The following ZNF714 variants were observed in gnomAD, a reference collection of about 807,000 sequenced individuals.
ZNF714 encodes the protein zinc finger protein 714.
Under a neutral mutation model 46.2 loss-of-function variants are expected in ZNF714, and 32 were observed. That is an observed-to-expected ratio of 0.69 (90% CI 0.52 to 0.93). The LOEUF (loss-of-function observed/expected upper bound fraction) is 0.93, where lower values mean the gene tolerates loss of function less well. ZNF714 is among the 40% of genes least tolerant of loss of function. The pLI is 0.00. For synonymous variants in ZNF714, 199 were observed against 213.1 expected, an observed-to-expected ratio of 0.93 and a Z score of 0.58; for missense variants, 635 against 646.3, an observed-to-expected ratio of 0.98 and a Z score of 0.19.
intron 2 of ZNF714, among the ~76,000 whole-genome samples, chr19:21,088,187 C>T (rs1599527932): frequency 6.6e-6 from 1 of 152,118 alleles, no homozygotes; most frequent in Admixed American, 6.6e-5. Flanking sequence ...AATTGTACAA[C>T]ATTTCTTGCA....
In ZNF714 at chr19:21,122,162, G is replaced by A. The variant is rs888209239; in HGVS notation, c.*3830G>A. On this transcript the variant is annotated 3_prime_UTR_variant, in exon 5 of 5. Transcript: ENST00000456283. ...GGGGGGCTTCATAAGTCATGAGGAT[G>A]TTTTTATATATAAATGTAGCAAACA... The A allele has an allele frequency of 2.0e-5, 3 of 152,116 alleles. No individual in the cohort carries two copies. In the East Asian group the frequency reaches 5.8e-4, roughly 29 times the overall value. 9.4% of individuals were successfully genotyped at this position (152,116 alleles called of 1,614,324 possible).
chr19:21,117,608 G>A lies in ZNF714; in HGVS notation c.944G>A (p.Cys315Tyr), dbSNP rs1969629758. The change falls in exon 5 of 5, where the codon TGT becomes TAT. Residue 315 changes from cysteine (C) to tyrosine (Y), a missense_variant. Coordinates refer to ENST00000456283, the MANE Select transcript of ZNF714 (RefSeq NM_182515.4). ...IIHSGEKSYKCEQCGKGFNWS... is the reference protein window; with the variant it reads ...IIHSGEKSYKYEQCGKGFNWS... ...CATTCTGGAGAGAAATCTTACAAAT[G>A]TGAACAATGTGGCAAAGGCTTTAAC... 3 of 1,611,138 alleles carry A rather than the reference G, an allele frequency of 1.9e-6. No homozygotes were observed. The highest frequency in any genetic ancestry group is 1.7e-5 in the Admixed American group (1 of 59,432).
At chr19:21,089,216 G>A (rs542559505) in intron 2 of ZNF714, among the ~76,000 whole-genome samples, 1 of 152,290 alleles carries the variant, frequency 6.6e-6, no homozygotes, top group African/African-American at 2.4e-5. Flanking sequence ...TAAGGAAAAA[G>A]AGGTGTTTCC....
At chr19:21,102,410 C>T (rs911253387) in intron 4 of ZNF714, among the ~76,000 whole-genome samples, 13 of 152,150 alleles carry the variant, frequency 8.5e-5, no homozygotes, top group Non-Finnish European at 1.8e-4. Context: ...CTTTCTTCAG[C>T]ATATATCTAA....
At position 21,116,992 on chromosome 19, in the gene ZNF714, A is replaced by G. The variant is rs775563680; in HGVS notation, c.328A>G (p.Thr110Ala). 6.2e-7 allele frequency: 1 copy of G among 1,613,892 alleles called. No homozygotes were observed. The highest frequency in any genetic ancestry group is 1.1e-5 in the South Asian group (1 of 91,054). Reference sequence around the variant, plus strand: ...TTATAATGAACTAAACCAGTGTTTGACAACTACCCAGAGCAAAATATTTCC... The same window carrying G: ...TTATAATGAACTAAACCAGTGTTTGGCAACTACCCAGAGCAAAATATTTCC... Reference protein sequence around the residue: ...KGYNELNQCLTTTQSKIFPCD... With the variant: ...KGYNELNQCLATTQSKIFPCD... The change falls in exon 5 of 5, where the codon ACA becomes GCA. Residue 110 changes from threonine to alanine, a missense_variant. Thr to Ala is a moderately conservative substitution (Grantham distance 58). Transcript: ENST00000456283.
Position 21,118,282 on chromosome 19 carries a change from T to C in ZNF714, c.1618T>C (p.Ser540Pro). The change falls in exon 5 of 5, where the codon TCT becomes CCT. Residue 540 changes from serine to proline, a missense_variant. Physicochemically the swap from Ser to Pro is moderately conservative, Grantham distance 74 (BLOSUM62 -1). Transcript: ENST00000456283. ...GCCTGGCCAACATGGTAAAACCCCA[T>C]CTCTACTAAAAATACAAAAATTTGC... is the stretch of plus-strand genomic sequence containing the variant. ...DQPGQHGKTP[S>P]LLKIQKFAGC... The C allele has an allele frequency of 7.7e-7, 1 of 1,293,322 alleles. No homozygotes were observed. The highest frequency in any genetic ancestry group is 1.1e-6 in the Non-Finnish European group (1 of 934,832). The allele number at this position is 1,293,322 out of a possible 1,614,324, so 80.1% of individuals were successfully genotyped here. A position where few individuals can be genotyped will look rare whatever the true frequency, so the allele number is the denominator to read the frequency against.
In ZNF714 at chr19:21,083,994, G is replaced by T; in HGVS notation, c.-160G>T. 7.7e-7 allele frequency: 1 copy of T among 1,290,346 alleles called. No homozygotes were observed. 79.9% of individuals were successfully genotyped at this position (1,290,346 alleles called of 1,614,324 possible). A position where few individuals can be genotyped will look rare whatever the true frequency, so the allele number is the denominator to read the frequency against. On this transcript the variant is annotated 5_prime_UTR_variant, in exon 2 of 5. Coordinates refer to ENST00000456283, the MANE Select transcript of ZNF714 (RefSeq NM_182515.4). ...CTTCCATAGGGCGACCTGAGGTCTGGAGTGTATCCTCTCAAGGGAGCAAGT... is the reference window on the plus strand; with the variant it reads ...CTTCCATAGGGCGACCTGAGGTCTGTAGTGTATCCTCTCAAGGGAGCAAGT...
chr19:21,122,010 CT>C lies in ZNF714; in HGVS notation c.*3679del, dbSNP rs1268023121. 1 of 152,120 alleles carries C rather than the reference CT, an allele frequency of 6.6e-6. No individual in the cohort carries two copies. The highest frequency in any genetic ancestry group is 1.5e-5 in the Non-Finnish European group (1 of 68,026). The allele number at this position is 152,120 out of a possible 1,614,324, so 9.4% of individuals were successfully genotyped here. A position where few individuals can be genotyped will look rare whatever the true frequency, so the allele number is the denominator to read the frequency against. ...AGTTACATTTTATTTAGTGAGAGCACTCCATTTTGTTCTTTTAAGGGGAGAA... is the reference window on the plus strand; with the variant it reads ...AGTTACATTTTATTTAGTGAGAGCACCCATTTTGTTCTTTTAAGGGGAGAA... On this transcript the variant is annotated 3_prime_UTR_variant, in exon 5 of 5. Transcript: ENST00000456283.
At position 21,119,515 on chromosome 19, in the gene ZNF714, C is replaced by T. The variant is rs1368121587; in HGVS notation, c.*1183C>T. 1 of 152,594 alleles carries T rather than the reference C, an allele frequency of 6.6e-6. No individual in the cohort carries two copies. Among genetic ancestry groups the T allele is most frequent in the African/African-American group, 2.4e-5 (1 of 41,422 alleles). The allele number at this position is 152,594 out of a possible 1,614,324, so 9.5% of individuals were successfully genotyped here. On this transcript the variant is annotated 3_prime_UTR_variant, in exon 5 of 5. Coordinates refer to ENST00000456283, the MANE Select transcript of ZNF714 (RefSeq NM_182515.4). ...CTTGTATCACAGATCTTATTGTAGACATTTTTTGTAGAGGAAAAACTCTGA... is the reference window on the plus strand; with the variant it reads ...CTTGTATCACAGATCTTATTGTAGATATTTTTTGTAGAGGAAAAACTCTGA...
At chr19:21,083,750 G>T (rs1323460575) in intron 1 of ZNF714, among the ~76,000 whole-genome samples, 1 of 152,018 alleles carries the variant, frequency 6.6e-6, no homozygotes, top group Non-Finnish European at 1.5e-5. Flanking sequence ...AAATTTCTCT[G>T]TGCCTCTTCT....
At position 21,118,748 on chromosome 19, in the gene ZNF714, G is replaced by A. The variant is rs149271220; in HGVS notation, c.*416G>A. The A allele has an allele frequency of 3.1e-3, 653 of 208,262 alleles. 6 individuals carry two copies. Among genetic ancestry groups the A allele is most frequent in the African/African-American group, 0.014 (587 of 41,812 alleles). The allele number at this position is 208,262 out of a possible 1,614,324, so 12.9% of individuals were successfully genotyped here. A position where few individuals can be genotyped will look rare whatever the true frequency, so the allele number is the denominator to read the frequency against. On this transcript the variant is annotated 3_prime_UTR_variant, in exon 5 of 5. Transcript: ENST00000456283. ...ATAATTCATACTGGAAAGAAACTCT[G>A]CAAACCAGAAAGATCTGGCAATGCT...
intron 2 of ZNF714, chr19:21,091,120 G>A (rs1487647122): frequency 6.6e-6 from 1 of 152,020 alleles, no homozygotes; most frequent in Admixed American, 6.6e-5. Context: ...TTGACCTCGT[G>A]ATCCACCCAC....
chr19:21,086,695 G>A (rs1968787826), intron 2 of ZNF714, among the ~76,000 whole-genome samples: 1 of 152,074 alleles, frequency 6.6e-6, no homozygotes, highest in East Asian at 1.9e-4. Flanking sequence ...TACTTAGAAT[G>A]CCTAACCATC....
chr19:21,094,051 C>T (rs962382539), intron 2 of ZNF714, among the ~76,000 whole-genome samples: 1 of 152,206 alleles, frequency 6.6e-6, no homozygotes, highest in Non-Finnish European at 1.5e-5. Flanking sequence ...AGTGCAGTGG[C>T]ACCATCTCAG....
chr19:21,114,222 A>G (rs1484217672), intron 4 of ZNF714, among the ~76,000 whole-genome samples: 1 of 152,030 alleles, frequency 6.6e-6, no homozygotes. Context: ...ACAGATCACA[A>G]GGTCAGGAGA....
At chr19:21,100,712 C>A (rs1369284854) in intron 4 of ZNF714, among the ~76,000 whole-genome samples, 1 of 151,570 alleles carries the variant, frequency 6.6e-6, no homozygotes, top group Non-Finnish European at 1.5e-5. Context: ...TTAGTTTAGA[C>A]AATTTTGTTG....
chr19:21,082,215 A>G lies in ZNF714; in HGVS notation c.-310A>G. The G allele has an allele frequency of 1.0e-6, 1 of 956,236 alleles. No homozygotes were observed. Among genetic ancestry groups the G allele is most frequent in the Non-Finnish European group, 1.5e-6 (1 of 653,450 alleles). 59.2% of individuals were successfully genotyped at this position (956,236 alleles called of 1,614,324 possible). A position where few individuals can be genotyped will look rare whatever the true frequency, so the allele number is the denominator to read the frequency against. ...TGGCGGGGCCTTTGTCTCTCGCTGC[A>G]GCTGGAGCTGCAGGTCTCGCCTTCA... On this transcript the variant is annotated 5_prime_UTR_variant, in exon 1 of 5. Coordinates refer to ENST00000456283, the MANE Select transcript of ZNF714 (RefSeq NM_182515.4).
At chr19:21,111,367 C>G (rs1969446246) in intron 4 of ZNF714, among the ~76,000 whole-genome samples, 1 of 152,000 alleles carries the variant, frequency 6.6e-6, no homozygotes, top group Non-Finnish European at 1.5e-5. Context: ...TGGCTGTCTG[C>G]TTGTTTATGG....
intron 2 of ZNF714, among the ~76,000 whole-genome samples, chr19:21,086,920 T>C (rs929876246): frequency 6.6e-6 from 1 of 152,182 alleles, no homozygotes; most frequent in African/African-American, 2.4e-5. Context: ...CAGAGTCTTC[T>C]TGACCCTGAA....
Sources: allele counts gnomAD v4.1 joint callset (sites outside exome capture counted in the v4.1 genomes callset), GRCh38; gene constraint gnomAD v4.1.1; transcripts MANE v1.5; gene names NCBI Gene and HGNC (gene_info 2026-07-23, HGNC 2026-07-21).